Variants in SGMS1 observed in about 807,000 individuals in gnomAD.
SGMS1 encodes phosphatidylcholine:ceramide cholinephosphotransferase 1.
Under a neutral mutation model 46.2 loss-of-function variants are expected in SGMS1, and 13 were observed. The ratio of observed to expected loss-of-function variants is 0.28; its 90% CI spans 0.18 to 0.45. The LOEUF is 0.45. Ranked by LOEUF, SGMS1 falls within the 20% of genes least tolerant of loss-of-function variation. SGMS1 has a pLI of 1.00. For missense variants in SGMS1, 324 were observed against 519.9 expected, an observed-to-expected ratio of 0.62 and a Z score of 3.66; for synonymous variants, 203 against 187.8, an observed-to-expected ratio of 1.08 and a Z score of -0.66.
chr10:50,624,869 G>A, upstream of SGMS1: 4 of 998,490 alleles, frequency 4.0e-6, no homozygotes, highest in East Asian at 1.1e-4. Context: ...CTCCCGCGGG[G>A]TCGGGGACTT....
chr10:50,604,398 T>C (rs904308885), intron 1 of SGMS1, among the ~76,000 whole-genome samples: 2 of 152,162 alleles, frequency 1.3e-5, no homozygotes, highest in Non-Finnish European at 2.9e-5. Context: ...GAACCAGAAC[T>C]GTAGAGAGCC....
chr10:50,598,919 A>C (rs1031407144), intron 1 of SGMS1, among the ~76,000 whole-genome samples: 1 of 152,220 alleles, frequency 6.6e-6, no homozygotes, highest in Non-Finnish European at 1.5e-5. Context: ...GGAAAAAAAA[A>C]TAGTATACAT....
chr10:50,452,958 T>C (rs1021240960), intron 5 of SGMS1, among the ~76,000 whole-genome samples: 2 of 152,128 alleles, frequency 1.3e-5, no homozygotes, highest in Admixed American at 1.3e-4. Context: ...GTAAAGAGTG[T>C]CCAGATTGAT....
intron 1 of SGMS1, among the ~76,000 whole-genome samples, chr10:50,612,747 C>A (rs1838761824): frequency 6.6e-6 from 1 of 152,156 alleles, no homozygotes; most frequent in Non-Finnish European, 1.5e-5. Context: ...CTCGCTCTGT[C>A]GCCCAGGCTG....
intron 6 of SGMS1, among the ~76,000 whole-genome samples, chr10:50,379,438 T>TTATA (rs5784831): frequency 8.5e-4 from 127 of 150,022 alleles, no homozygotes; most frequent in East Asian, 7.7e-3. Context: ...GCATATACAT[T>TTATA]TATATATATA....
At chr10:50,356,163 C>T (rs1390281667) in intron 6 of SGMS1, among the ~76,000 whole-genome samples, 1 of 152,218 alleles carries the variant, frequency 6.6e-6, no homozygotes, top group Non-Finnish European at 1.5e-5. Context: ...GTTACTCTGT[C>T]TGTGTAGAAA....
At chr10:50,409,846 C>CTCTG (rs1248143544) in intron 6 of SGMS1, among the ~76,000 whole-genome samples, 2 of 152,148 alleles carry the variant, frequency 1.3e-5, no homozygotes, top group Non-Finnish European at 2.9e-5. Flanking sequence ...GTACCACAGG[C>CTCTG]TCTGGAACCC....
At position 50,307,354 on chromosome 10, in the gene SGMS1, T is replaced by C. The variant is rs1303489867; in HGVS notation, c.1063-33A>G. On this transcript the variant is annotated intron_variant, in intron 10 of 10. Transcript: ENST00000361781. This position sits in a 1 kb window ranked among gnomAD's most constrained non-coding sequence, Gnocchi z 4.2. ...AACAAAGAAACATAAACACATTTCT[T>C]ACAATCTTTCACTTTAAGTTCAAAT... 6.3e-7 allele frequency: 1 copy of C among 1,591,050 alleles called. No individual in the cohort carries two copies. The highest frequency in any genetic ancestry group is 8.6e-7 in the Non-Finnish European group (1 of 1,165,102).
chr10:50,580,375 T>G (rs1838421783), intron 2 of SGMS1, among the ~76,000 whole-genome samples: 1 of 152,118 alleles, frequency 6.6e-6, no homozygotes, highest in Non-Finnish European at 1.5e-5. Flanking sequence ...ACTTACAAAT[T>G]ACTTTCACAA....
intron 8 of SGMS1, among the ~76,000 whole-genome samples, chr10:50,317,553 C>T (rs1419596119): frequency 1.3e-5 from 2 of 152,156 alleles, no homozygotes; most frequent in African/African-American, 4.8e-5. Flanking sequence ...CCCTGGAAAA[C>T]ACCTGCTATT....
intron 5 of SGMS1, among the ~76,000 whole-genome samples, chr10:50,440,606 C>A (rs1321507777): frequency 1.3e-5 from 2 of 152,116 alleles, no homozygotes; most frequent in Non-Finnish European, 2.9e-5. Flanking sequence ...TTTAGATATA[C>A]ATAAAATATT....
chr10:50,477,957 G>A (rs75178934), intron 3 of SGMS1, among the ~76,000 whole-genome samples: 1 of 152,172 alleles, frequency 6.6e-6, no homozygotes, highest in Non-Finnish European at 1.5e-5. Flanking sequence ...CAGTGTGAGG[G>A]CAGGCTAATA....
rs144441699 is a variant in SGMS1, at chr10:50,565,746, C to T, written c.-589+24407G>A. Among the ~76,000 whole-genome samples the T allele has an allele frequency of 2.9e-3, 444 of 152,264 alleles. 1 individual carries two copies. Among genetic ancestry groups the T allele is most frequent in the Middle Eastern group, 0.014 (4 of 294 alleles). On this transcript the variant is annotated intron_variant, in intron 2 of 10. Coordinates refer to ENST00000361781, the MANE Select transcript of SGMS1 (RefSeq NM_147156.4). ...TAGTGTCCAGGGTCTGAGTTGCCTA[C>T]GTTGGGGGTGAGTACTAGTGGAGGT...
intron 6 of SGMS1, among the ~76,000 whole-genome samples, chr10:50,377,278 C>T (rs1022094018): frequency 9.9e-5 from 15 of 152,184 alleles, no homozygotes; most frequent in Admixed American, 2.6e-4. Context: ...GCTTTTATAA[C>T]GGATCCACTT....
chr10:50,318,113 A>G (rs549084685), intron 8 of SGMS1, among the ~76,000 whole-genome samples: 67 of 152,282 alleles, frequency 4.4e-4, no homozygotes, highest in African/African-American at 1.4e-3. Flanking sequence ...GCCTATAAAA[A>G]TCATTTCTGT....
chr10:50,610,435 G>C (rs1241061580), intron 1 of SGMS1, among the ~76,000 whole-genome samples: 1 of 152,150 alleles, frequency 6.6e-6, no homozygotes, highest in Non-Finnish European at 1.5e-5. Flanking sequence ...AACCCATCCA[G>C]GGACCCCCAA....
intron 1 of SGMS1, among the ~76,000 whole-genome samples, chr10:50,613,233 A>G (rs2131933347): frequency 6.6e-6 from 1 of 152,352 alleles, no homozygotes; most frequent in African/African-American, 2.4e-5. Context: ...CTGCTGACAC[A>G]GGGAAACTGG....
chr10:50,393,155 A>G (rs1848799910), intron 6 of SGMS1, among the ~76,000 whole-genome samples: 1 of 152,172 alleles, frequency 6.6e-6, no homozygotes, highest in South Asian at 2.1e-4. Context: ...TACTGGGGCC[A>G]CCATCTTATT....
chr10:50,530,781 T>C (rs868229141), intron 2 of SGMS1, among the ~76,000 whole-genome samples: 20 of 152,096 alleles, frequency 1.3e-4, no homozygotes, highest in African/African-American at 4.3e-4. Flanking sequence ...CACTGCGTCC[T>C]CTTTTTTAAC....
Sources: gnomAD v4.1 joint callset for allele counts (sites outside exome capture counted in the v4.1 genomes callset) on GRCh38, gnomAD v4.1.1 for gene constraint, Gnocchi (gnomAD v3.1) non-coding constraint, MANE v1.5 for transcripts, NCBI Gene and HGNC (gene_info 2026-07-23, HGNC 2026-07-21) for gene names.